Variants in RPS13 observed in about 807,000 individuals in gnomAD.
RPS13 encodes the protein small ribosomal subunit protein uS15.
Under a neutral mutation model 24.6 loss-of-function variants are expected in RPS13, and 1 was observed. That is an observed-to-expected ratio of 0.04 (90% CI 0.01 to 0.19). RPS13 has a LOEUF of 0.19. Among genes scored for constraint, RPS13 ranks in the 10% least tolerant of loss-of-function variants. The pLI is 1.00. For missense variants in RPS13, 88 were observed against 187.4 expected, an observed-to-expected ratio of 0.47 and a Z score of 3.10; for synonymous variants, 69 against 65.3, an observed-to-expected ratio of 1.06 and a Z score of -0.27.
At chr11:17,075,856 AT>A in intron 3 of RPS13, 6 of 636,250 alleles carry the variant, frequency 9.4e-6, no homozygotes, top group Non-Finnish European at 1.7e-5. Flanking sequence ...TTGGAAAACC[AT>A]CATCACAGTG....
intron 5 of RPS13, 30 bp from the exon 6 acceptor site, chr11:17,074,496 A>T (rs775780872): frequency 6.4e-7 from 1 of 1,553,604 alleles, no homozygotes; most frequent in South Asian, 1.1e-5. Flanking sequence ...AAAGAAAGAA[A>T]ATCAGGATTA....
Position 17,076,696 on chromosome 11 carries a change from T to C in RPS13, c.151+472A>G. On this transcript the variant is annotated intron_variant, in intron 3 of 5. Coordinates refer to ENST00000525634, the MANE Select transcript of RPS13 (RefSeq NM_001017.3). ...CCAAGTATCTGGGACTACAGGCACA[T>C]TGCGGCTGGCTTTTTTGGGCGGGGG... is the stretch of plus-strand genomic sequence containing the variant. 3 of 307,584 alleles carry C rather than the reference T, an allele frequency of 9.8e-6. 1 individual carries two copies. Among genetic ancestry groups the C allele is most frequent in the Non-Finnish European group, 1.9e-5 (3 of 156,290 alleles). 19.1% of individuals were successfully genotyped at this position (307,584 alleles called of 1,614,324 possible). A position where few individuals can be genotyped will look rare whatever the true frequency, so the allele number is the denominator to read the frequency against.
At chr11:17,077,563 T>G in intron 1 of RPS13, 56 bp downstream of exon 1, 1 of 1,601,500 alleles carries the variant, frequency 6.2e-7, no homozygotes, top group Non-Finnish European at 8.5e-7. Flanking sequence ...CTGCCCACAC[T>G]CCCTGTCTTC....
In RPS13 at chr11:17,077,077, T is replaced by C. The variant is rs189584652; in HGVS notation, c.151+91A>G. The C allele has an allele frequency of 8.9e-3, 8,479 of 950,264 alleles. 54 individuals are homozygous for C. The highest frequency in any genetic ancestry group is 0.011 in the Non-Finnish European group (6,649 of 589,862). The allele number at this position is 950,264 out of a possible 1,614,324, so 58.9% of individuals were successfully genotyped here. On this transcript the variant is annotated intron_variant, in intron 3 of 5. Coordinates refer to ENST00000525634, the MANE Select transcript of RPS13 (RefSeq NM_001017.3). ...TAGCACGGTGGCGAGACCAGAGTTT[T>C]GGCTATTTTTAAAATAACTTTACCA...
intron 2 of RPS13, 54 bp from the exon 3 acceptor site, chr11:17,077,300 G>T (rs372795762): frequency 1.3e-6 from 2 of 1,577,306 alleles, no homozygotes; most frequent in Non-Finnish European, 1.7e-6. Context: ...TGGCGCCGCA[G>T]AACAGCGGTC....
intron 3 of RPS13, chr11:17,076,356 C>T: frequency 6.8e-6 from 2 of 293,396 alleles, no homozygotes; most frequent in Non-Finnish European, 1.4e-5. Flanking sequence ...TACCACTGCA[C>T]TCCAGCCTGG....
rs1848037882 is a variant in RPS13 at position 17,077,417 on chromosome 11, C to A, written c.72+12G>T. 1.9e-6 allele frequency: 3 copies of A among 1,603,612 alleles called. No homozygotes were observed. The highest frequency in any genetic ancestry group is 8.5e-7 in the Non-Finnish European group (1 of 1,173,220). ...CTCCCCGGATTCTCCCCGGTCCCAG[C>A]GCGCTACTTACAGTGGGGACGCTGC... On this transcript the variant is annotated intron_variant, in intron 2 of 5. Transcript: ENST00000525634.
intron 2 of RPS13, 53 bp downstream of exon 2, chr11:17,077,376 G>A (rs207471676): frequency 1.9e-6 from 3 of 1,594,158 alleles, no homozygotes; most frequent in Non-Finnish European, 2.6e-6. Context: ...CTTCACCCGA[G>A]ACAAATGCCA....
intron 3 of RPS13, 33 bp from the exon 4 acceptor site, chr11:17,075,656 C>T (rs780049576): frequency 2.3e-5 from 35 of 1,531,684 alleles, no homozygotes; most frequent in Non-Finnish European, 3.0e-5. Context: ...ACTTTCAACA[C>T]GAAACACAAA....
intron 3 of RPS13, 82 bp from the exon 4 acceptor site, chr11:17,075,705 C>T: frequency 8.9e-7 from 1 of 1,118,016 alleles, no homozygotes; most frequent in Non-Finnish European, 1.3e-6. Context: ...GAAATCAGGG[C>T]ATAGTTTCCT....
At chr11:17,074,856 C>T in intron 5 of RPS13, 1 of 625,108 alleles carries the variant, frequency 1.6e-6, no homozygotes, top group Non-Finnish European at 2.9e-6. Flanking sequence ...AATCTGGGGT[C>T]TGCAACTATG....
chr11:17,075,717 T>G, intron 3 of RPS13, 94 bp from the exon 4 acceptor site: 2 of 955,840 alleles, frequency 2.1e-6, no homozygotes, highest in Non-Finnish European at 3.3e-6. Flanking sequence ...TAGTTTCCTA[T>G]CTGTAAGATG....
intron 3 of RPS13, chr11:17,076,890 C>T (rs1328704673): frequency 5.9e-6 from 3 of 509,002 alleles, no homozygotes; most frequent in Non-Finnish European, 7.1e-6. Flanking sequence ...CCAACTCCTC[C>T]ACTTGACAGC....
Position 17,077,621 on chromosome 11 carries a change from G to A in RPS13, c.21C>T (p.Pro7=), listed in dbSNP as rs757740706. 6.2e-7 allele frequency: 1 copy of A among 1,603,488 alleles called. No homozygotes were observed. The highest frequency in any genetic ancestry group is 1.1e-5 in the South Asian group (1 of 90,764). The change falls in exon 1 of 6, where the codon CCC becomes CCT. Residue 7 remains proline (P), a splice_region_variant and synonymous_variant. Transcript: ENST00000525634. MGRMHA[P]GKGLSQSALP... is the part of the protein sequence containing the mutation. ...CCGGCTTGATGCCCCGAGCTCACCC[G>A]GGAGCATGCATGCGACCCATGATGG...
intron 3 of RPS13, 48 bp downstream of exon 3, chr11:17,077,120 G>T: frequency 7.2e-7 from 1 of 1,394,076 alleles, no homozygotes; most frequent in Non-Finnish European, 1.0e-6. Context: ...GATCCTACAA[G>T]TCACACGAGG....
rs545394339 is a variant in RPS13, at chr11:17,075,640, G to A, written c.152-17C>T. 9.5e-6 allele frequency: 15 copies of A among 1,578,800 alleles called. No homozygotes were observed. The highest frequency in any genetic ancestry group is 6.7e-5 in the East Asian group (3 of 44,648). On this transcript the variant is annotated splice_polypyrimidine_tract_variant and intron_variant, in intron 3 of 5. Transcript: ENST00000525634. Reference sequence around the variant, plus strand: ...GGATTACACCTGAAAAGGGAATCACGTTTTAACTTTCAACACGAAACACAA... The same window carrying A: ...GGATTACACCTGAAAAGGGAATCACATTTTAACTTTCAACACGAAACACAA...
At chr11:17,074,807 A>G in intron 5 of RPS13, 1 of 659,888 alleles carries the variant, frequency 1.5e-6, no homozygotes. Context: ...AAATCTACCT[A>G]CTATCTAAAA....
intron 3 of RPS13, chr11:17,076,554 C>CAAA (rs35594006): frequency 2.1e-4 from 71 of 340,668 alleles, no homozygotes; most frequent in East Asian, 3.9e-4. Context: ...AAGACTGTCT[C>CAAA]AAAAAAAAAA....
At chr11:17,076,554 C>CAAAA in intron 3 of RPS13, 14 of 340,330 alleles carry the variant, frequency 4.1e-5, no homozygotes, top group South Asian at 6.3e-5. Flanking sequence ...AAGACTGTCT[C>CAAAA]AAAAAAAAAA....
Sources: allele counts gnomAD v4.1 joint callset, GRCh38; gene constraint gnomAD v4.1.1; transcripts MANE v1.5; gene names NCBI Gene and HGNC (gene_info 2026-07-23, HGNC 2026-07-21).